STX11: variants seen among roughly 807,000 people sequenced by gnomAD.
STX11 encodes syntaxin 11.
A neutral mutation model predicts 19.9 loss-of-function variants in STX11; 21 were observed. The observed-to-expected ratio is 1.06, with a 90% CI of 0.75 to 1.52. The LOEUF is 1.52. Among genes scored for constraint, STX11 ranks in the 40% most tolerant of loss-of-function variants. STX11 has a pLI of 0.00. For synonymous variants in STX11, 193 were observed against 174.4 expected (o/e 1.11, Z -0.84); for missense variants, 438 against 405.9 (o/e 1.08, Z -0.68).
upstream of STX11, among the ~76,000 whole-genome samples, chr6:144,147,484 ATTCT>A (rs1164904962): frequency 1.3e-5 from 2 of 151,500 alleles, no homozygotes; most frequent in Non-Finnish European, 2.9e-5. The surrounding 1 kb of genome is among the most constrained non-coding windows in gnomAD (Gnocchi z 4.2). Flanking sequence ...TCTTTTTTTG[ATTCT>A]TTATCTTCCT....
Position 144,155,437 on chromosome 6 carries a change from G to A in STX11, c.-6+4734G>A, listed in dbSNP as rs899743280. Among the ~76,000 whole-genome samples the A allele has an allele frequency of 1.3e-5, 2 of 152,188 alleles. No homozygotes were observed. Among genetic ancestry groups the A allele is most frequent in the Admixed American group, 1.3e-4 (2 of 15,274 alleles). ...GAATGTTTTGTTCAGCATTTCTTCA[G>A]ATTCATTGGGAAATCAACATATTTA... On this transcript the variant is annotated intron_variant, in intron 1 of 1. Coordinates refer to ENST00000367568, the MANE Select transcript of STX11 (RefSeq NM_003764.4). This position sits in a 1 kb window ranked among gnomAD's most constrained non-coding sequence, Gnocchi z 4.5.
intron 1 of STX11, among the ~76,000 whole-genome samples, chr6:144,156,014 CTCTCTTTCTCTCCT>C (rs1801146164): frequency 8.7e-6 from 1 of 114,848 alleles, no homozygotes; most frequent in Non-Finnish European, 1.6e-5. Context: ...TTCTTTCTTT[CTCTCTTTCTCTCCT>C]TCCTTCCTTC....
In STX11 at chr6:144,187,202, A is replaced by G. The variant is rs775485389; in HGVS notation, c.575A>G (p.Asn192Ser). Residue 192 changes from asparagine (N) to serine (S), a missense_variant, in exon 2 of 2, where the codon AAC becomes AGC. Physicochemically the swap from Asn to Ser is conservative, Grantham distance 46. Coordinates refer to ENST00000367568, the MANE Select transcript of STX11 (RefSeq NM_003764.4). This position sits in a 1 kb window ranked among gnomAD's most constrained non-coding sequence, Gnocchi z 5.6. ...GGTAAGTGGGACGTGTTTTCCGAGA[A>G]CTTGCTGGCCGACGTGAAGGGCGCG... ...EQGKWDVFSE[N>S]LLADVKGARA... The G allele has an allele frequency of 1.9e-6, 3 of 1,613,518 alleles. No homozygotes were observed. The highest frequency in any genetic ancestry group is 2.5e-6 in the Non-Finnish European group (3 of 1,179,922).
At position 144,169,179 on chromosome 6, in the gene STX11, A is replaced by G. The variant is rs1801561671; in HGVS notation, c.-5-17444A>G. ...ACTTATGCATGCCTGCTGCATCAGC[A>G]CATCCCTGCACAGTTGTTCTGTCCT... On this transcript the variant is annotated intron_variant, in intron 1 of 1. Transcript: ENST00000367568. This position sits in a 1 kb window ranked among gnomAD's most constrained non-coding sequence, Gnocchi z 5.2. 6.6e-6 allele frequency among the ~76,000 whole-genome samples: 1 copy of G among 152,230 alleles called. No individual in the cohort carries two copies. Among genetic ancestry groups the G allele is most frequent in the Non-Finnish European group, 1.5e-5 (1 of 68,040 alleles).
intron 1 of STX11, among the ~76,000 whole-genome samples, chr6:144,179,000 C>T (rs1801839880): frequency 6.6e-6 from 1 of 152,058 alleles, no homozygotes; most frequent in East Asian, 1.9e-4. Flanking sequence ...TGAGACTGGG[C>T]AATTTACAAA....
rs1358183933 is a variant in STX11, at chr6:144,153,332, T to G, written c.-6+2629T>G. 6.6e-6 allele frequency among the ~76,000 whole-genome samples: 1 copy of G among 152,228 alleles called. No individual in the cohort carries two copies. Among genetic ancestry groups the G allele is most frequent in the Non-Finnish European group, 1.5e-5 (1 of 68,044 alleles). ...TTGTCTCATGATAAGTGTTAGAAAG[T>G]GTTTATTGATGGAATAATGAACCTT... On this transcript the variant is annotated intron_variant, in intron 1 of 1. Coordinates refer to ENST00000367568, the MANE Select transcript of STX11 (RefSeq NM_003764.4). The surrounding 1 kb of genome is among the most constrained non-coding windows in gnomAD (Gnocchi z 5.0).
At chr6:144,143,884 C>T in the STX11 span, among the ~76,000 whole-genome samples, 1 of 152,160 alleles carries the variant, frequency 6.6e-6, no homozygotes, top group African/African-American at 2.4e-5. Flanking sequence ...TAGACAAGAT[C>T]CTTATAGGCA....
the STX11 span, among the ~76,000 whole-genome samples, chr6:144,142,756 G>A: frequency 6.6e-6 from 1 of 152,156 alleles, no homozygotes; most frequent in African/African-American, 2.4e-5. Context: ...GTGGAAAGGG[G>A]GATGAAGAGA....
rs1802099253 is a variant in STX11 at position 144,187,700 on chromosome 6, A to G, written c.*209A>G. On this transcript the variant is annotated 3_prime_UTR_variant, in exon 2 of 2. Coordinates refer to ENST00000367568, the MANE Select transcript of STX11 (RefSeq NM_003764.4). This position sits in a 1 kb window ranked among gnomAD's most constrained non-coding sequence, Gnocchi z 5.6. ...ATACCGTCCGATGATTCTTCAGTAA[A>G]GATAGATTCCCACAAAGTTGTGCAA... 4.4e-6 allele frequency: 3 copies of G among 675,288 alleles called. No homozygotes were observed. The highest frequency in any genetic ancestry group is 1.9e-5 in the South Asian group (1 of 52,096). The allele number at this position is 675,288 out of a possible 1,614,324, so 41.8% of individuals were successfully genotyped here.
the STX11 span, among the ~76,000 whole-genome samples, chr6:144,144,963 G>A: frequency 6.6e-6 from 1 of 152,246 alleles, no homozygotes; most frequent in South Asian, 2.1e-4. Context: ...AAAATGTCTT[G>A]GCTGTTGTGA....
At position 144,179,805 on chromosome 6, in the gene STX11, T is replaced by A. The variant is rs78876395; in HGVS notation, c.-5-6818T>A. Among the ~76,000 whole-genome samples, 10 of 152,372 alleles carry A rather than the reference T, an allele frequency of 6.6e-5. No homozygotes were observed. In the East Asian group the frequency reaches 1.7e-3, roughly 26 times the overall value. ...GCACCCTATAGACCAATAGTGGACC[T>A]TCTGATTTGTAATAATCACTTTAAT... On this transcript the variant is annotated intron_variant, in intron 1 of 1. Coordinates refer to ENST00000367568, the MANE Select transcript of STX11 (RefSeq NM_003764.4).
rs1802096045 is a variant in STX11 at position 144,187,579 on chromosome 6, G to GA, written c.*89dup. On this transcript the variant is annotated 3_prime_UTR_variant, in exon 2 of 2. Transcript: ENST00000367568. This position sits in a 1 kb window ranked among gnomAD's most constrained non-coding sequence, Gnocchi z 5.6. ...AAAGCCGGGAGCTCTGCCCTGCAGG[G>GA]AGTTGCCCCAACCCTTTCCGGAACT... The GA allele has an allele frequency of 6.4e-7, 1 of 1,567,892 alleles. No individual in the cohort carries two copies. Among genetic ancestry groups the GA allele is most frequent in the East Asian group, 2.3e-5 (1 of 43,284 alleles).
Position 144,190,050 on chromosome 6 carries a change from A to G in STX11, c.*2559A>G, listed in dbSNP as rs375221152. On this transcript the variant is annotated 3_prime_UTR_variant, in exon 2 of 2. Coordinates refer to ENST00000367568, the MANE Select transcript of STX11 (RefSeq NM_003764.4). ...AAGTGAGTTTTCAGGCTCTATATAC[A>G]TTTTAATTCCTCACGTTTTATATTG... Among the ~76,000 whole-genome samples, 37 of 152,352 alleles carry G rather than the reference A, an allele frequency of 2.4e-4. 2 individuals are homozygous for G. In the South Asian group the frequency reaches 4.1e-3, roughly 17 times the overall value.
rs1299470863 is a variant in STX11, at chr6:144,175,523, T to C, written c.-5-11100T>C. Among the ~76,000 whole-genome samples, 1 of 152,276 alleles carries C rather than the reference T, an allele frequency of 6.6e-6. No individual in the cohort carries two copies. Among genetic ancestry groups the C allele is most frequent in the South Asian group, 2.1e-4 (1 of 4,822 alleles). Reference sequence around the variant, plus strand: ...GGTTTCACCATGTTGACCAGGCTGGTCTTGAACTCCTGAACTTAGGTGATC... The same window carrying C: ...GGTTTCACCATGTTGACCAGGCTGGCCTTGAACTCCTGAACTTAGGTGATC... On this transcript the variant is annotated intron_variant, in intron 1 of 1. Coordinates refer to ENST00000367568, the MANE Select transcript of STX11 (RefSeq NM_003764.4). The surrounding 1 kb of genome is among the most constrained non-coding windows in gnomAD (Gnocchi z 5.1).
chr6:144,168,493 G>T (rs184419249), intron 1 of STX11, among the ~76,000 whole-genome samples: 1 of 152,150 alleles, frequency 6.6e-6, no homozygotes, highest in East Asian at 1.9e-4. Flanking sequence ...ATGAAGAACT[G>T]TAGCCTCTTT....
rs375091661 is a variant in STX11, at chr6:144,186,691, G to C, written c.64G>C (p.Gly22Arg). The change falls in exon 2 of 2, where the codon GGG becomes CGG. Residue 22 changes from glycine (G) to arginine (R), a missense_variant. By Grantham distance (125) the Gly-to-Arg change is moderately radical (BLOSUM62 -2). Coordinates refer to ENST00000367568, the MANE Select transcript of STX11 (RefSeq NM_003764.4). ...SKQYDQQFPD[G>R]DDEFDSPHED... is the part of the protein sequence containing the mutation. ...GCAATATGACCAGCAGTTCCCAGAC[G>C]GGGACGATGAGTTTGACTCGCCCCA... 3.0e-5 allele frequency: 48 copies of C among 1,614,048 alleles called. No individual in the cohort carries two copies. The highest frequency in any genetic ancestry group is 4.0e-5 in the Non-Finnish European group (47 of 1,180,048).
At position 144,187,234 on chromosome 6, in the gene STX11, G is replaced by T; in HGVS notation, c.607G>T (p.Ala203Ser). The T allele has an allele frequency of 6.2e-7, 1 of 1,613,846 alleles. No individual in the cohort carries two copies. The highest frequency in any genetic ancestry group is 1.1e-5 in the South Asian group (1 of 91,092). ...LLADVKGARA[A>S]LNEIESRHRE... ...GGCCGACGTGAAGGGCGCGCGGGCCGCCCTCAACGAGATCGAGAGCCGCCA... is the reference window on the plus strand; with the variant it reads ...GGCCGACGTGAAGGGCGCGCGGGCCTCCCTCAACGAGATCGAGAGCCGCCA... The change falls in exon 2 of 2, where the codon GCC becomes TCC. Residue 203 changes from alanine (A) to serine (S), a missense_variant. Coordinates refer to ENST00000367568, the MANE Select transcript of STX11 (RefSeq NM_003764.4). The surrounding 1 kb of genome is among the most constrained non-coding windows in gnomAD (Gnocchi z 5.6).
At position 144,188,818 on chromosome 6, in the gene STX11, C is replaced by A. The variant is rs945965398; in HGVS notation, c.*1327C>A. Among the ~76,000 whole-genome samples the A allele has an allele frequency of 6.7e-6, 1 of 150,098 alleles. No individual in the cohort carries two copies. Among genetic ancestry groups the A allele is most frequent in the African/African-American group, 2.5e-5 (1 of 40,424 alleles). ...CTTGGCTCATTGCAACCTCTGTCTC[C>A]CAGGTTCGAGCGATTCTCCTGACTC... On this transcript the variant is annotated 3_prime_UTR_variant, in exon 2 of 2. Coordinates refer to ENST00000367568, the MANE Select transcript of STX11 (RefSeq NM_003764.4).
chr6:144,140,677 A>G, the STX11 span: 1 of 878,024 alleles, frequency 1.1e-6, no homozygotes, highest in African/African-American at 1.8e-5. Flanking sequence ...ACTATAAACC[A>G]TCCGTGAAGA....
Sources: allele counts gnomAD v4.1 joint callset (sites outside exome capture counted in the v4.1 genomes callset), GRCh38; gene constraint gnomAD v4.1.1; non-coding constraint Gnocchi (gnomAD v3.1); transcripts MANE v1.5; gene names NCBI Gene and HGNC (gene_info 2026-07-23, HGNC 2026-07-21).